The following ARHGAP32 variants were observed in gnomAD, a reference collection of about 807,000 sequenced individuals.
ARHGAP32 encodes rho GTPase-activating protein 32.
In ARHGAP32, 51 loss-of-function variants were observed where a neutral mutation model predicts 186.5. The observed-to-expected ratio is 0.27, with a 90% CI of 0.22 to 0.35. ARHGAP32 has a LOEUF of 0.35. ARHGAP32 is among the 10% of genes least tolerant of loss of function. ARHGAP32 has a pLI of 1.00. For missense variants in ARHGAP32, 2,186 were observed against 2,623.5 expected, an observed-to-expected ratio of 0.83 and a Z score of 3.64; for synonymous variants, 950 against 964.3, an observed-to-expected ratio of 0.99 and a Z score of 0.27.
intron 5 of ARHGAP32, among the ~76,000 whole-genome samples, chr11:129,121,548 G>A (rs1942529811): frequency 6.6e-6 from 1 of 152,050 alleles, no homozygotes; most frequent in African/African-American, 2.4e-5. Flanking sequence ...AGCTGGGCTG[G>A]TTTCCTTTGA....
intron 11 of ARHGAP32, among the ~76,000 whole-genome samples, chr11:129,026,399 C>A (rs1418175418): frequency 6.6e-6 from 1 of 152,068 alleles, no homozygotes; most frequent in Non-Finnish European, 1.5e-5. Context: ...TGGTGACTAT[C>A]CCCCTATTTT....
chr11:129,216,199 C>G (rs949841106), intron 1 of ARHGAP32, among the ~76,000 whole-genome samples: 1 of 152,098 alleles, frequency 6.6e-6, no homozygotes, highest in Non-Finnish European at 1.5e-5. Flanking sequence ...GCAGCAGCAA[C>G]AAACACACCA....
At chr11:129,241,674 A>G (rs1298300895) in intron 1 of ARHGAP32, among the ~76,000 whole-genome samples, 2 of 152,194 alleles carry the variant, frequency 1.3e-5, no homozygotes, top group Non-Finnish European at 2.9e-5. Flanking sequence ...ACAGGTAAGT[A>G]GATACTCTAC....
chr11:129,178,834 A>G (rs1490774668), intron 1 of ARHGAP32, among the ~76,000 whole-genome samples: 2 of 151,350 alleles, frequency 1.3e-5, no homozygotes, highest in African/African-American at 4.8e-5. Context: ...TAAAACCATA[A>G]AAACCCTAGA....
chr11:129,203,313 ATC>A (rs1464206411), intron 1 of ARHGAP32, among the ~76,000 whole-genome samples: 2 of 152,220 alleles, frequency 1.3e-5, no homozygotes, highest in African/African-American at 4.8e-5. Context: ...GCTAAATAAA[ATC>A]TGAGGCAAGT....
chr11:129,013,742 T>TA (rs1309701842), intron 11 of ARHGAP32, among the ~76,000 whole-genome samples: 1 of 152,226 alleles, frequency 6.6e-6, no homozygotes, highest in Admixed American at 6.5e-5. Context: ...TCCCATTTCT[T>TA]AGACATTAAA....
intron 2 of ARHGAP32, among the ~76,000 whole-genome samples, chr11:129,148,330 C>T (rs535104123): frequency 6.6e-6 from 1 of 152,166 alleles, no homozygotes; most frequent in Non-Finnish European, 1.5e-5. Context: ...GAACACACAA[C>T]CCCACTGGAG....
chr11:129,004,940 T>A (rs1937683347), intron 11 of ARHGAP32, among the ~76,000 whole-genome samples: 1 of 152,122 alleles, frequency 6.6e-6, no homozygotes, highest in South Asian at 2.1e-4. Flanking sequence ...TGTGGTCTTC[T>A]TTTCCTTCTT....
intron 22 of ARHGAP32, chr11:128,971,372 CAA>C: frequency 2.0e-6 from 1 of 492,168 alleles, no homozygotes; most frequent in Non-Finnish European, 3.6e-6. Flanking sequence ...GAGAACCATT[CAA>C]AGTTTTCTAA....
intron 5 of ARHGAP32, among the ~76,000 whole-genome samples, chr11:129,121,451 A>G (rs907175465): frequency 6.6e-6 from 1 of 152,088 alleles, no homozygotes; most frequent in African/African-American, 2.4e-5. Context: ...CACAGAACAG[A>G]GGCAGGACAA....
intron 1 of ARHGAP32, among the ~76,000 whole-genome samples, chr11:129,247,511 AATT>A (rs1945116688): frequency 6.6e-6 from 1 of 152,206 alleles, no homozygotes; most frequent in African/African-American, 2.4e-5. Context: ...AAATGTACCA[AATT>A]ATATTAATCT....
chr11:129,242,562 C>CA (rs1240897559), intron 1 of ARHGAP32, among the ~76,000 whole-genome samples: 3 of 151,546 alleles, frequency 2.0e-5, no homozygotes, highest in African/African-American at 7.3e-5. Context: ...ACTAAAAATA[C>CA]AAAAAATTAG....
intron 7 of ARHGAP32, among the ~76,000 whole-genome samples, chr11:129,066,185 A>G (rs1940682256): frequency 6.6e-6 from 1 of 152,014 alleles, no homozygotes; most frequent in Admixed American, 6.6e-5. Context: ...GTCTTGTTGC[A>G]CTTACATGTT....
intron 1 of ARHGAP32, among the ~76,000 whole-genome samples, chr11:129,270,009 C>T (rs1945454740): frequency 6.6e-6 from 1 of 151,696 alleles, no homozygotes; most frequent in Admixed American, 6.6e-5. Flanking sequence ...CAATCGCATG[C>T]TTAGGTATTT....
intron 1 of ARHGAP32, among the ~76,000 whole-genome samples, chr11:129,220,241 T>C (rs1944695617): frequency 1.3e-5 from 2 of 152,050 alleles, no homozygotes; most frequent in Non-Finnish European, 2.9e-5. Flanking sequence ...ATTTGGAGTG[T>C]CCAGGAGCAC....
chr11:129,119,350 T>TA (rs1447645877), intron 5 of ARHGAP32, among the ~76,000 whole-genome samples: 3 of 152,028 alleles, frequency 2.0e-5, no homozygotes, highest in Non-Finnish European at 4.4e-5. Context: ...AATTGAGACT[T>TA]AAACAGGATG....
chr11:129,160,344 T>TA (rs539197782), intron 2 of ARHGAP32, among the ~76,000 whole-genome samples: 120 of 152,244 alleles, frequency 7.9e-4, no homozygotes, highest in Non-Finnish European at 1.4e-3. Flanking sequence ...ATTGTATATT[T>TA]AAAAAACCCC....
chr11:129,169,933 T>C (rs1943723276), intron 1 of ARHGAP32, among the ~76,000 whole-genome samples: 1 of 151,916 alleles, frequency 6.6e-6, no homozygotes, highest in African/African-American at 2.4e-5. Flanking sequence ...ATCCATCCAA[T>C]AAGGCCAAGC....
chr11:129,151,988 G>A (rs61911008), intron 2 of ARHGAP32, among the ~76,000 whole-genome samples: 23,036 of 152,000 alleles, frequency 0.15, 2,115 homozygotes, highest in African/African-American at 0.26. Context: ...AAGATTAACC[G>A]AGAAAAGAGG....
Sources: gnomAD v4.1 joint callset for allele counts (sites outside exome capture counted in the v4.1 genomes callset) on GRCh38, gnomAD v4.1.1 for gene constraint, MANE v1.5 for transcripts, NCBI Gene and HGNC (gene_info 2026-07-23, HGNC 2026-07-21) for gene names.